SPAG16: variants seen among roughly 807,000 people sequenced by gnomAD.
SPAG16 encodes sperm associated antigen 16, also known as sperm-associated antigen 16 protein.
In SPAG16, 86 loss-of-function variants were observed where a neutral mutation model predicts 80.4. The ratio of observed to expected loss-of-function variants is 1.07; its 90% CI spans 0.90 to 1.28. The LOEUF is 1.28. Ranked by LOEUF, SPAG16 falls within the 50% of genes most tolerant of loss-of-function variation. SPAG16 has a pLI of 0.00. For synonymous variants in SPAG16, 294 were observed against 265.9 expected (o/e 1.11, Z -1.03); for missense variants, 870 against 765.3 (o/e 1.14, Z -1.61).
intron 13 of SPAG16, among the ~76,000 whole-genome samples, chr2:214,105,540 T>G (rs2053339975): frequency 6.6e-6 from 1 of 152,222 alleles, no homozygotes. Context: ...AAATTAAATG[T>G]GGCCATTTCT....
chr2:213,537,596 ATCT>A (rs1053463840), intron 10 of SPAG16, among the ~76,000 whole-genome samples: 4 of 152,074 alleles, frequency 2.6e-5, no homozygotes, highest in African/African-American at 9.7e-5. Flanking sequence ...AAGCATATAC[ATCT>A]TCTTTCTCCA....
chr2:214,329,335 T>A (rs1440013950), intron 15 of SPAG16, among the ~76,000 whole-genome samples: 3 of 152,236 alleles, frequency 2.0e-5, no homozygotes, highest in African/African-American at 7.2e-5. Flanking sequence ...TTCTAACTTG[T>A]CTTCATTAGC....
chr2:213,951,991 G>A (rs932315686), intron 12 of SPAG16, among the ~76,000 whole-genome samples: 1 of 152,084 alleles, frequency 6.6e-6, no homozygotes, highest in African/African-American at 2.4e-5. Flanking sequence ...CCTTGTAATG[G>A]TAAGTTTCAT....
chr2:213,463,021 A>T (rs2072470962), intron 9 of SPAG16, among the ~76,000 whole-genome samples: 1 of 152,238 alleles, frequency 6.6e-6, no homozygotes, highest in Non-Finnish European at 1.5e-5. Context: ...TTTGACCAAA[A>T]TGCTGATAGT....
At chr2:213,376,850 C>T (rs936600736) in intron 9 of SPAG16, among the ~76,000 whole-genome samples, 1 of 152,110 alleles carries the variant, frequency 6.6e-6, no homozygotes, top group Admixed American at 6.6e-5. Flanking sequence ...GCAGACATTG[C>T]AAATTTAACT....
chr2:214,408,676 G>A (rs888876825), intron 15 of SPAG16, among the ~76,000 whole-genome samples: 4 of 151,992 alleles, frequency 2.6e-5, no homozygotes, highest in Non-Finnish European at 2.9e-5. Flanking sequence ...TTATAAAATG[G>A]ACCAATGCTA....
chr2:213,930,257 G>T, intron 12 of SPAG16, 112 bp downstream of exon 12: 3 of 706,470 alleles, frequency 4.2e-6, no homozygotes, highest in Non-Finnish European at 4.4e-6. Context: ...AACATTAAAA[G>T]AAACTGTTAG....
intron 10 of SPAG16, among the ~76,000 whole-genome samples, chr2:213,852,277 G>A (rs973592481): frequency 1.3e-5 from 2 of 152,196 alleles, no homozygotes; most frequent in Non-Finnish European, 2.9e-5. Flanking sequence ...CTCCAAGTTA[G>A]TGTCCTAGTT....
At chr2:213,424,645 A>G (rs183209618) in intron 9 of SPAG16, among the ~76,000 whole-genome samples, 1 of 152,306 alleles carries the variant, frequency 6.6e-6, no homozygotes, top group East Asian at 1.9e-4. Flanking sequence ...TAATGGCATA[A>G]AAAATAAATA....
Position 213,364,133 on chromosome 2 carries a change from C to T in SPAG16, c.820C>T (p.Pro274Ser). 1.3e-6 allele frequency: 2 copies of T among 1,515,846 alleles called. No homozygotes were observed. The highest frequency in any genetic ancestry group is 1.8e-6 in the Non-Finnish European group (2 of 1,133,062). The allele number at this position is 1,515,846 out of a possible 1,614,324, so 93.9% of individuals were successfully genotyped here. A position where few individuals can be genotyped will look rare whatever the true frequency, so the allele number is the denominator to read the frequency against. ...GCAAAGAGGACATAGTTACCATGGT[C>T]CTCAAATTAAAGGTAAATGTAAAAT... ...KLQRGHSYHG[P>S]QIKVDHSREK... Residue 274 changes from proline (P) to serine (S), a missense_variant, in exon 8 of 16, where the codon CCT becomes TCT. Physicochemically the swap from Pro to Ser is moderately conservative, Grantham distance 74. Transcript: ENST00000331683.
At chr2:214,225,826 CTG>C (rs2058686417) in intron 15 of SPAG16, among the ~76,000 whole-genome samples, 2 of 152,054 alleles carry the variant, frequency 1.3e-5, no homozygotes. Context: ...TTTAAACTGA[CTG>C]TGTTATTGAA....
At chr2:213,635,593 T>A (rs1330977270) in intron 10 of SPAG16, among the ~76,000 whole-genome samples, 1 of 152,230 alleles carries the variant, frequency 6.6e-6, no homozygotes, top group African/African-American at 2.4e-5. Flanking sequence ...TTTTGTTTTT[T>A]AATAATGGCC....
intron 8 of SPAG16, among the ~76,000 whole-genome samples, chr2:213,368,461 C>G (rs1268185759): frequency 6.6e-6 from 1 of 152,114 alleles, no homozygotes; most frequent in Non-Finnish European, 1.5e-5. Context: ...CAATATCATA[C>G]TGAATGGGCA....
chr2:213,306,908 C>T (rs2126104004), intron 3 of SPAG16, among the ~76,000 whole-genome samples: 1 of 152,232 alleles, frequency 6.6e-6, no homozygotes, highest in South Asian at 2.1e-4. Flanking sequence ...AAGTTAAAGC[C>T]TGGTATTGTG....
intron 9 of SPAG16, among the ~76,000 whole-genome samples, chr2:213,462,226 A>G (rs963079940): frequency 1.3e-5 from 2 of 152,168 alleles, no homozygotes. Context: ...GGGAATTCCT[A>G]CAGTCAAAGG....
intron 15 of SPAG16, among the ~76,000 whole-genome samples, chr2:214,371,944 G>A (rs1174503600): frequency 1.3e-5 from 2 of 151,988 alleles, no homozygotes; most frequent in African/African-American, 4.8e-5. Context: ...GCCTTTCAAA[G>A]TGCTGGGATT....
chr2:214,042,070 GTTTTCTTTTTCT>G (rs1213496189), intron 13 of SPAG16, among the ~76,000 whole-genome samples: 3 of 145,080 alleles, frequency 2.1e-5, no homozygotes, highest in African/African-American at 5.0e-5. Context: ...TCAGCTGGAA[GTTTTCTTTTTCT>G]TTTTCTTTTT....
chr2:213,433,218 C>G (rs538876474), intron 9 of SPAG16, among the ~76,000 whole-genome samples: 25 of 152,170 alleles, frequency 1.6e-4, no homozygotes, highest in African/African-American at 6.0e-4. Flanking sequence ...TGCACTTTGG[C>G]CAATCCTATT....
chr2:214,284,611 G>T (rs73084945), intron 15 of SPAG16, among the ~76,000 whole-genome samples: 134 of 152,150 alleles, frequency 8.8e-4, no homozygotes, highest in Admixed American at 1.4e-3. Flanking sequence ...AGGTCTTTGC[G>T]CAGTACTCTG....
Sources: allele counts gnomAD v4.1 joint callset (sites outside exome capture counted in the v4.1 genomes callset), GRCh38; gene constraint gnomAD v4.1.1; transcripts MANE v1.5; gene names NCBI Gene and HGNC (gene_info 2026-07-23, HGNC 2026-07-21).